The following SLC9A3 variants were observed in gnomAD, a reference collection of about 807,000 sequenced individuals.
SLC9A3 encodes the protein solute carrier family 9 member A3.
Under a neutral mutation model 86.8 loss-of-function variants are expected in SLC9A3, and 37 were observed. The observed-to-expected ratio is 0.43, with a 90% confidence interval of 0.33 to 0.56. The LOEUF is 0.56. Among genes scored for constraint, SLC9A3 ranks in the 20% least tolerant of loss-of-function variants. SLC9A3 has a pLI of 0.06. For missense variants in SLC9A3, 1,011 were observed against 1,171.9 expected (o/e 0.86, Z 2.00); for synonymous variants, 581 against 528.3 (o/e 1.10, Z -1.37).
chr5:485,099 G>A (rs1384007107), intron 4 of SLC9A3, 54 bp downstream of exon 4: 5 of 1,313,500 alleles, frequency 3.8e-6, no homozygotes, highest in Non-Finnish European at 5.5e-6. Context: ...AGAGAAGACA[G>A]TTGGCCCCAG....
intron 4 of SLC9A3, 27 bp from the exon 5 acceptor site, chr5:484,724 G>C (rs373427508): frequency 1.2e-6 from 2 of 1,608,452 alleles, no homozygotes; most frequent in South Asian, 1.1e-5. Flanking sequence ...CTTTGTGGCC[G>C]TGCCGGCCTT....
Position 473,834 on chromosome 5 carries a change from C to T in SLC9A3, c.2502-452G>A, listed in dbSNP as rs186925309. Among the ~76,000 whole-genome samples, 178 of 152,344 alleles carry T rather than the reference C, an allele frequency of 1.2e-3. 2 individuals carry two copies. Among genetic ancestry groups the T allele is most frequent in the Non-Finnish European group, 2.0e-3 (135 of 68,024 alleles). ...GAGGCAGAGTCCGGGTCTGCGGGGC[C>T]GGCCCTCCCTGTATCCCTGTGAGAG... On this transcript the variant is annotated intron_variant, in intron 16 of 16. Coordinates refer to ENST00000264938, the MANE Select transcript of SLC9A3 (RefSeq NM_004174.4).
In SLC9A3 at chr5:497,950, T is replaced by C. The variant is rs72702717; in HGVS notation, c.212-5879A>G. Among the ~76,000 whole-genome samples, 888 of 124,374 alleles carry C rather than the reference T, an allele frequency of 7.1e-3. 99 individuals carry two copies. The highest frequency in any genetic ancestry group is 0.015 in the South Asian group (49 of 3,340). 81.6% of individuals were successfully genotyped at this position (124,374 alleles called of 152,430 possible). ...GCCCTCCGACAACTCAGGCACCTGC[T>C]GGTCAGCTATGAAGCCTTAGCCTCG... On this transcript the variant is annotated intron_variant, in intron 1 of 16. Transcript: ENST00000264938. This position sits in a 1 kb window ranked among gnomAD's most constrained non-coding sequence, Gnocchi z 5.4.
chr5:520,633 ACGCTAG>A (rs1334949769), intron 1 of SLC9A3, among the ~76,000 whole-genome samples: 1 of 151,944 alleles, frequency 6.6e-6, no homozygotes, highest in African/African-American at 2.4e-5. Context: ...CCTCACCACG[ACGCTAG>A]GTGGGGACCA....
chr5:492,928 C>A (rs898475992), intron 1 of SLC9A3, among the ~76,000 whole-genome samples: 1 of 152,156 alleles, frequency 6.6e-6, no homozygotes. Context: ...CTCTGGGTCC[C>A]GCCACTCCAC....
In SLC9A3 at chr5:496,163, G is replaced by T. The variant is rs1190532946; in HGVS notation, c.212-4092C>A. Among the ~76,000 whole-genome samples the T allele has an allele frequency of 6.6e-6, 1 of 152,240 alleles. No homozygotes were observed. Among genetic ancestry groups the T allele is most frequent in the Admixed American group, 6.5e-5 (1 of 15,288 alleles). ...AACGCCGCATAGGTGGGAGGGCGGC[G>T]GTTTGGAACATTCTGCCATCCGGGG... is the stretch of plus-strand genomic sequence containing the variant. On this transcript the variant is annotated intron_variant, in intron 1 of 16. Coordinates refer to ENST00000264938, the MANE Select transcript of SLC9A3 (RefSeq NM_004174.4). The surrounding 1 kb of genome is among the most constrained non-coding windows in gnomAD (Gnocchi z 4.7).
At chr5:506,209 C>G (rs77012725) in intron 1 of SLC9A3, among the ~76,000 whole-genome samples, 1 of 152,110 alleles carries the variant, frequency 6.6e-6, no homozygotes. Context: ...GAGCTTTGCC[C>G]GGACGCAGCA....
chr5:492,521 C>T (rs934348755), intron 1 of SLC9A3, among the ~76,000 whole-genome samples: 11 of 151,958 alleles, frequency 7.2e-5, no homozygotes, highest in African/African-American at 2.4e-4. Flanking sequence ...TCTAAGACCT[C>T]CCCCGACTTT....
At chr5:504,916 AAGAGCAGCAGACG>A (rs1178892902) in intron 1 of SLC9A3, among the ~76,000 whole-genome samples, 9 of 116,764 alleles carry the variant, frequency 7.7e-5, no homozygotes, top group African/African-American at 2.6e-4. Context: ...CTGTGCCTGG[AAGAGCAGCAGACG>A]CCTGCAGGGC....
At chr5:504,290 G>A (rs1231360439) in intron 1 of SLC9A3, among the ~76,000 whole-genome samples, 7 of 152,074 alleles carry the variant, frequency 4.6e-5, no homozygotes, top group African/African-American at 1.7e-4. Context: ...TGCAGCCCCC[G>A]CGTCCCGTGA....
At chr5:517,824 T>TC (rs1560977506) in intron 1 of SLC9A3, among the ~76,000 whole-genome samples, 1 of 83,410 alleles carries the variant, frequency 1.2e-5, no homozygotes, top group African/African-American at 5.2e-5. Flanking sequence ...CATCCATCCA[T>TC]CCATCCATCC....
intron 1 of SLC9A3, among the ~76,000 whole-genome samples, chr5:506,229 G>A (rs1231019306): frequency 6.6e-6 from 1 of 152,288 alleles, no homozygotes; most frequent in Non-Finnish European, 1.5e-5. Context: ...AGCCGGAAGC[G>A]GTTGGGAGGA....
intron 1 of SLC9A3, among the ~76,000 whole-genome samples, chr5:494,382 G>A (rs72702714): frequency 0.21 from 31,383 of 152,142 alleles, 4,195 homozygotes; most frequent in Non-Finnish European, 0.3. Context: ...TTCCGGGCCT[G>A]CGAGGGGAAG....
At chr5:493,066 G>A (rs1475903382) in intron 1 of SLC9A3, among the ~76,000 whole-genome samples, 2 of 152,012 alleles carry the variant, frequency 1.3e-5, no homozygotes, top group Admixed American at 1.3e-4. Context: ...GGGTGGGGGT[G>A]CAGGCACCAA....
In SLC9A3 at chr5:473,160, G is replaced by C. The variant is rs1579756423; in HGVS notation, c.*219C>G. ...TCGGCGCTCCGGCCCCGCCCCCGGC[G>C]CAGGCCCCGCCCCCGGCTCGCCCTC... On this transcript the variant is annotated 3_prime_UTR_variant, in exon 17 of 17. Coordinates refer to ENST00000264938, the MANE Select transcript of SLC9A3 (RefSeq NM_004174.4). 2.5e-6 allele frequency: 1 copy of C among 404,106 alleles called. No homozygotes were observed. The highest frequency in any genetic ancestry group is 4.0e-6 in the Non-Finnish European group (1 of 253,076). The allele number at this position is 404,106 out of a possible 1,614,324, so 25.0% of individuals were successfully genotyped here. A position where few individuals can be genotyped will look rare whatever the true frequency, so the allele number is the denominator to read the frequency against.
rs374666398 is a variant in SLC9A3 at position 491,020 on chromosome 5, G to C, written c.514+749C>G. 2.7e-4 allele frequency among the ~76,000 whole-genome samples: 41 copies of C among 152,358 alleles called. No homozygotes were observed. Among genetic ancestry groups the C allele is most frequent in the African/African-American group, 9.9e-4 (41 of 41,578 alleles). ...GAGAGGCCGGGCCGTGCTCTCTCTT[G>C]AACCAGACGGAAAATCGCCAATTCT... On this transcript the variant is annotated intron_variant, in intron 2 of 16. Transcript: ENST00000264938. This position sits in a 1 kb window ranked among gnomAD's most constrained non-coding sequence, Gnocchi z 9.2.
chr5:480,866 A>G (rs551232598), intron 9 of SLC9A3: 3 of 152,398 alleles, frequency 2.0e-5, no homozygotes, highest in Non-Finnish European at 2.9e-5. Flanking sequence ...ATAATAAAAC[A>G]TAGGTGATTT....
In SLC9A3 at chr5:482,593, G is replaced by A. The variant is rs775459880; in HGVS notation, c.1311C>T (p.Phe437=). ...ACACTACGATGATGGTGGTGCTGAC[G>A]AACAGGTTCTTCTCCTTGACCTTGT... ...DGDKVKEKNL[F]VSTTIIVVFF... Residue 437 remains phenylalanine (F), a synonymous_variant, in exon 7 of 17, where the codon TTC becomes TTT. Coordinates refer to ENST00000264938, the MANE Select transcript of SLC9A3 (RefSeq NM_004174.4). The A allele has an allele frequency of 1.7e-5, 27 of 1,612,882 alleles. No homozygotes were observed. Among genetic ancestry groups the A allele is most frequent in the Middle Eastern group, 1.6e-4 (1 of 6,062 alleles).
chr5:477,413 C>T lies in SLC9A3; in HGVS notation c.1679G>A (p.Arg560His), dbSNP rs765983952. ...GERRGSLAFI[R>H]SPSTDNVVNV... ...GACCACGTTGTCGGTGCTGGGGGAG[C>T]GGATGAAGGCCAGGGACCCGCGGCG... Residue 560 changes from arginine to histidine, a missense_variant, in exon 11 of 17, where the codon CGC becomes CAC. Arg to His is a conservative substitution (Grantham distance 29, BLOSUM62 0). This residue lies in a region of SLC9A3 where 565 missense variants were observed against 790.0 expected (regional missense o/e 0.72). Coordinates refer to ENST00000264938, the MANE Select transcript of SLC9A3 (RefSeq NM_004174.4). 6 of 1,612,688 alleles carry T rather than the reference C, an allele frequency of 3.7e-6. No individual in the cohort carries two copies. Among genetic ancestry groups the T allele is most frequent in the East Asian group, 2.2e-5 (1 of 44,838 alleles).
Sources: gnomAD v4.1 joint callset for allele counts (sites outside exome capture counted in the v4.1 genomes callset) on GRCh38, gnomAD v4.1.1 for gene constraint, gnomAD v4.1.1 regional missense constraint, Gnocchi (gnomAD v3.1) non-coding constraint, MANE v1.5 for transcripts, NCBI Gene and HGNC (gene_info 2026-07-23, HGNC 2026-07-21) for gene names.